The following THSD7B variants were observed in gnomAD, a reference collection of about 807,000 sequenced individuals.
THSD7B encodes the protein thrombospondin type-1 domain-containing protein 7B.
Under a neutral mutation model 213.6 loss-of-function variants are expected in THSD7B, and 138 were observed. The observed-to-expected ratio is 0.65, with a 90% confidence interval of 0.56 to 0.74. The LOEUF is 0.74. THSD7B is among the 30% of genes least tolerant of loss of function. The pLI, the probability that THSD7B is intolerant of heterozygous loss-of-function variation, is 0.00. For synonymous variants in THSD7B, 742 were observed against 687.0 expected, an observed-to-expected ratio of 1.08 and a Z score of -1.25; for missense variants, 1,931 against 1,991.5, an observed-to-expected ratio of 0.97 and a Z score of 0.58.
chr2:136,825,593 C>T (rs1682632534), intron 1 of THSD7B, among the ~76,000 whole-genome samples: 1 of 151,946 alleles, frequency 6.6e-6, no homozygotes, highest in East Asian at 1.9e-4. Context: ...CTTGCTCTGT[C>T]GCCCAGGCTG....
At chr2:137,284,007 CAG>C (rs1329335970) in intron 12 of THSD7B, among the ~76,000 whole-genome samples, 13 of 152,078 alleles carry the variant, frequency 8.5e-5, no homozygotes, top group African/African-American at 2.7e-4. Context: ...TGGTAGAATT[CAG>C]CTGTGAATCC....
At position 136,885,610 on chromosome 2, in the gene THSD7B, T is replaced by C. The variant is rs374769732; in HGVS notation, c.139+3293T>C. Among the ~76,000 whole-genome samples, 12 of 152,304 alleles carry C rather than the reference T, an allele frequency of 7.9e-5. No individual in the cohort carries two copies. The East Asian group carries it at 1.5e-3, about 20-fold the overall frequency. ...ATAAAACTATTCATGCCTGCCTGCT[T>C]TGTGGAGATGAACAGATTATGGTCT... is the stretch of plus-strand genomic sequence containing the variant. On this transcript the variant is annotated intron_variant, in intron 2 of 27. Transcript: ENST00000409968.
At chr2:137,418,375 C>T (rs1322290819) in intron 14 of THSD7B, among the ~76,000 whole-genome samples, 1 of 152,174 alleles carries the variant, frequency 6.6e-6, no homozygotes, top group African/African-American at 2.4e-5. Flanking sequence ...CAACCCATTG[C>T]CCAGACCCCT....
intron 21 of THSD7B, among the ~76,000 whole-genome samples, chr2:137,652,786 T>A (rs770757285): frequency 3.9e-5 from 6 of 152,180 alleles, no homozygotes; most frequent in Non-Finnish European, 8.8e-5. Context: ...TCTGAAGAGA[T>A]GACAAGTTCA....
chr2:137,302,575 A>G (rs1044108583), intron 12 of THSD7B, among the ~76,000 whole-genome samples: 2 of 152,062 alleles, frequency 1.3e-5, no homozygotes, highest in African/African-American at 2.4e-5. Flanking sequence ...AAAAGTAAAG[A>G]TCTTGTAAAA....
intron 1 of THSD7B, among the ~76,000 whole-genome samples, chr2:136,838,377 A>G (rs113334822): frequency 2.6e-5 from 4 of 152,148 alleles, no homozygotes; most frequent in Non-Finnish European, 4.4e-5. Context: ...CCCTTTCATC[A>G]TTTAAATATG....
At position 137,291,086 on chromosome 2, in the gene THSD7B, T is replaced by C. The variant is rs1683326036; in HGVS notation, c.2500+15060T>C. Reference sequence around the variant, plus strand: ...CACACTTTTATGTCTCTAACTGCTCTCTCTCATATCCCTAATCCACTAGCC... The same window carrying C: ...CACACTTTTATGTCTCTAACTGCTCCCTCTCATATCCCTAATCCACTAGCC... On this transcript the variant is annotated intron_variant, in intron 12 of 27. Transcript: ENST00000409968. Among the ~76,000 whole-genome samples, 6 of 152,276 alleles carry C rather than the reference T, an allele frequency of 3.9e-5. 1 individual carries two copies. In the South Asian group the frequency reaches 1.3e-3, roughly 32 times the overall value.
rs528872592 is a variant in THSD7B at position 136,898,065 on chromosome 2, C to T, written c.139+15748C>T. Among the ~76,000 whole-genome samples, 13 of 152,292 alleles carry T rather than the reference C, an allele frequency of 8.5e-5. No individual in the cohort carries two copies. The East Asian group carries it at 2.1e-3, about 25-fold the overall frequency. On this transcript the variant is annotated intron_variant, in intron 2 of 27. Coordinates refer to ENST00000409968, the MANE Select transcript of THSD7B (RefSeq NM_001316349.2). Reference sequence around the variant, plus strand: ...CGTTTACAATCTTTTAGACACAGAGCGCTGATCAGTGCATTTACAGTCCTC... The same window carrying T: ...CGTTTACAATCTTTTAGACACAGAGTGCTGATCAGTGCATTTACAGTCCTC...
intron 1 of THSD7B, among the ~76,000 whole-genome samples, chr2:136,836,759 G>T (rs1000005092): frequency 2.6e-5 from 4 of 152,006 alleles, no homozygotes; most frequent in Admixed American, 1.3e-4. Context: ...TGAGCTTCAG[G>T]CTTTTGTGTC....
chr2:137,620,527 G>T, intron 19 of THSD7B, 82 bp from the exon 20 acceptor site: 5 of 1,056,232 alleles, frequency 4.7e-6, no homozygotes, highest in Non-Finnish European at 5.8e-6. Flanking sequence ...ACAGAGTAAA[G>T]GAAAGTCTTT....
At chr2:137,264,277 G>T (rs1682525797) in intron 10 of THSD7B, among the ~76,000 whole-genome samples, 1 of 147,396 alleles carries the variant, frequency 6.8e-6, no homozygotes, top group African/African-American at 2.5e-5. Flanking sequence ...TTTTGAGACA[G>T]AGTCTCGCTC....
intron 1 of THSD7B, among the ~76,000 whole-genome samples, chr2:136,869,766 T>C (rs973446993): frequency 6.6e-6 from 1 of 152,200 alleles, no homozygotes; most frequent in African/African-American, 2.4e-5. Context: ...CTTGGAAATA[T>C]GATTCTTTTA....
At chr2:137,259,686 C>T (rs1265807741) in intron 10 of THSD7B, among the ~76,000 whole-genome samples, 2 of 152,072 alleles carry the variant, frequency 1.3e-5, no homozygotes, top group Non-Finnish European at 2.9e-5. Flanking sequence ...ATTTTTTGCA[C>T]GGTATTTAAT....
intron 3 of THSD7B, among the ~76,000 whole-genome samples, chr2:137,077,780 G>C (rs955349868): frequency 1.3e-5 from 2 of 150,058 alleles, no homozygotes; most frequent in Non-Finnish European, 1.5e-5. Context: ...TAGGTTGCCT[G>C]TTCACTCTGA....
intron 15 of THSD7B, among the ~76,000 whole-genome samples, chr2:137,461,483 C>G (rs1687883908): frequency 2.0e-5 from 3 of 152,006 alleles, no homozygotes. Context: ...TATCTTGTCC[C>G]AAATGGCAAA....
chr2:137,664,146 C>G (rs530790857), intron 26 of THSD7B, among the ~76,000 whole-genome samples: 2 of 152,182 alleles, frequency 1.3e-5, no homozygotes, highest in African/African-American at 4.8e-5. Context: ...AGCCACTGCA[C>G]CCGGCCTGAA....
intron 15 of THSD7B, among the ~76,000 whole-genome samples, chr2:137,504,720 A>C (rs1250588244): frequency 6.6e-6 from 1 of 152,202 alleles, no homozygotes. Context: ...AATATGCGAG[A>C]GTGCTGCTTT....
chr2:136,893,044 G>A (rs1417796156), intron 2 of THSD7B, among the ~76,000 whole-genome samples: 1 of 152,126 alleles, frequency 6.6e-6, no homozygotes, highest in African/African-American at 2.4e-5. Flanking sequence ...AGCAGGGAGT[G>A]AAAATTATAC....
intron 5 of THSD7B, among the ~76,000 whole-genome samples, chr2:137,143,817 T>C (rs1313037216): frequency 3.3e-5 from 5 of 152,156 alleles, no homozygotes; most frequent in Admixed American, 3.3e-4. Flanking sequence ...AATCTGTTAC[T>C]TATATATAGT....
Sources: gnomAD v4.1 joint callset for allele counts (sites outside exome capture counted in the v4.1 genomes callset) on GRCh38, gnomAD v4.1.1 for gene constraint, MANE v1.5 for transcripts, NCBI Gene and HGNC (gene_info 2026-07-23, HGNC 2026-07-21) for gene names.